The following ZPLD1 variants were observed in gnomAD, a reference collection of about 807,000 sequenced individuals.
ZPLD1 encodes zona pellucida-like domain-containing protein 1.
In ZPLD1, 34 loss-of-function variants were observed where a neutral mutation model predicts 47.2. That is an observed-to-expected ratio of 0.72 (90% CI 0.55 to 0.96). The LOEUF is 0.96. Ranked by LOEUF, ZPLD1 falls within the 40% of genes least tolerant of loss-of-function variation. ZPLD1 has a pLI of 0.00. For synonymous variants in ZPLD1, 176 were observed against 186.2 expected, an observed-to-expected ratio of 0.95 and a Z score of 0.45; for missense variants, 512 against 505.8, an observed-to-expected ratio of 1.01 and a Z score of -0.12.
At chr3:102,466,359 C>G (rs1410526584) in intron 8 of ZPLD1, among the ~76,000 whole-genome samples, 1 of 152,136 alleles carries the variant, frequency 6.6e-6, no homozygotes. Flanking sequence ...AAATCCAACT[C>G]TTTCAAACTT....
intron 7 of ZPLD1, among the ~76,000 whole-genome samples, chr3:102,410,750 G>T (rs1706739919): frequency 6.6e-6 from 1 of 151,742 alleles, no homozygotes; most frequent in South Asian, 2.1e-4. Flanking sequence ...CAAGTGCATA[G>T]GAAACCTGCT....
intron 8 of ZPLD1, among the ~76,000 whole-genome samples, chr3:102,468,443 A>G (rs1002501203): frequency 3.3e-5 from 5 of 152,178 alleles, no homozygotes; most frequent in African/African-American, 1.2e-4. Context: ...GAAATACTAT[A>G]CAGCTGTGGA....
chr3:102,467,509 G>A (rs953214417), intron 8 of ZPLD1, among the ~76,000 whole-genome samples: 22 of 152,044 alleles, frequency 1.4e-4, no homozygotes, highest in African/African-American at 5.3e-4. Context: ...ACAGTAAACT[G>A]AGAAATAGAT....
upstream of ZPLD1, among the ~76,000 whole-genome samples, chr3:102,433,550 C>T (rs571618060): frequency 3.8e-4 from 58 of 152,162 alleles, no homozygotes; most frequent in Non-Finnish European, 7.4e-4. Flanking sequence ...TGTCTTGAGA[C>T]GGAGTCTCGC....
chr3:102,409,176 G>T (rs943213144), intron 7 of ZPLD1, among the ~76,000 whole-genome samples: 1 of 151,820 alleles, frequency 6.6e-6, no homozygotes, highest in African/African-American at 2.4e-5. Flanking sequence ...ATGGCAGAAG[G>T]ACAATCACAT....
In ZPLD1 at chr3:102,477,032, T is replaced by C. The variant is rs1440429518; in HGVS notation, c.1063T>C (p.Ser355Pro). The C allele has an allele frequency of 6.2e-7, 1 of 1,613,660 alleles. No homozygotes were observed. The highest frequency in any genetic ancestry group is 8.5e-7 in the Non-Finnish European group (1 of 1,179,688). ...TRSDETPTNN[S>P]QLGSPSMPPF... Reference sequence around the variant, plus strand: ...CTCAGATGAGACTCCAACCAACAATTCGCAACTTGGTAAGATAATTAACAT... The same window carrying C: ...CTCAGATGAGACTCCAACCAACAATCCGCAACTTGGTAAGATAATTAACAT... The change falls in exon 11 of 12, where the codon TCG becomes CCG. Residue 355 changes from serine (S) to proline (P), a missense_variant. Ser to Pro is a moderately conservative substitution (Grantham distance 74). Transcript: ENST00000466937.
At chr3:102,393,981 G>A (rs779184217) in intron 7 of ZPLD1, among the ~76,000 whole-genome samples, 2 of 152,024 alleles carry the variant, frequency 1.3e-5, no homozygotes, top group Non-Finnish European at 2.9e-5. Context: ...TTCAGTGCAA[G>A]GTAAAATTGA....
chr3:102,399,481 G>A (rs188688688), intron 7 of ZPLD1, among the ~76,000 whole-genome samples: 6 of 152,002 alleles, frequency 3.9e-5, no homozygotes, highest in South Asian at 2.1e-4. Context: ...CAAGATCATC[G>A]TATGTATGAT....
chr3:102,452,249 A>C (rs1707349293), intron 3 of ZPLD1, among the ~76,000 whole-genome samples: 1 of 132,458 alleles, frequency 7.5e-6, no homozygotes, highest in African/African-American at 2.9e-5. Context: ...TTCCATGTTT[A>C]GGTCATTTTT....
intron 7 of ZPLD1, among the ~76,000 whole-genome samples, chr3:102,411,742 AC>A (rs1706749630): frequency 6.6e-6 from 1 of 151,822 alleles, no homozygotes; most frequent in Non-Finnish European, 1.5e-5. Context: ...ACAAATAAAA[AC>A]TAAAAATAAA....
intron 10 of ZPLD1, 42 bp from the exon 11 acceptor site, chr3:102,476,970 G>A: frequency 6.3e-7 from 1 of 1,599,238 alleles, no homozygotes. Context: ...TAAATATTTG[G>A]AGAGATGATG....
chr3:102,470,738 A>ACACACACACACG (rs1203013467), intron 10 of ZPLD1, among the ~76,000 whole-genome samples: 1 of 151,744 alleles, frequency 6.6e-6, no homozygotes, highest in African/African-American at 2.4e-5. Flanking sequence ...ACACACACAC[A>ACACACACACACG]CACACACACG....
intron 8 of ZPLD1, among the ~76,000 whole-genome samples, chr3:102,428,618 A>G (rs139332422): frequency 3.9e-4 from 59 of 151,904 alleles, no homozygotes; most frequent in African/African-American, 1.4e-3. Context: ...TCATATGTTT[A>G]CAGGAGTTTA....
chr3:102,479,161 A>G lies in ZPLD1; in HGVS notation c.*1543A>G, dbSNP rs1016395456. 3.3e-5 allele frequency: 5 copies of G among 152,182 alleles called. No homozygotes were observed. Among genetic ancestry groups the G allele is most frequent in the Non-Finnish European group, 7.4e-5 (5 of 68,022 alleles). The allele number at this position is 152,182 out of a possible 1,614,324, so 9.4% of individuals were successfully genotyped here. On this transcript the variant is annotated 3_prime_UTR_variant, in exon 12 of 12. Transcript: ENST00000466937. Reference sequence around the variant, plus strand: ...AGGTATAGTTGCCAAGTAAAGTGGGATCTGGAAAGTCTCTGGATAATTTCT... The same window carrying G: ...AGGTATAGTTGCCAAGTAAAGTGGGGTCTGGAAAGTCTCTGGATAATTTCT...
chr3:102,417,598 C>G (rs1706824137), intron 7 of ZPLD1, among the ~76,000 whole-genome samples: 1 of 151,916 alleles, frequency 6.6e-6, no homozygotes, highest in Non-Finnish European at 1.5e-5. Context: ...TTGTCAGCCT[C>G]TTAGTTATTA....
chr3:102,406,550 A>G (rs1456178595), intron 7 of ZPLD1, among the ~76,000 whole-genome samples: 2 of 151,958 alleles, frequency 1.3e-5, no homozygotes, highest in African/African-American at 4.8e-5. Context: ...TTTAGGATGG[A>G]CACTTCTCTA....
At chr3:102,464,145 G>C (rs762799925) in intron 7 of ZPLD1, 26 bp from the exon 8 acceptor site, 4 of 1,547,052 alleles carry the variant, frequency 2.6e-6, no homozygotes, top group Non-Finnish European at 3.6e-6. Context: ...TCTGACTCTA[G>C]ATTATGTTTG....
At chr3:102,434,803 G>A (rs1397387398), upstream of ZPLD1, among the ~76,000 whole-genome samples, 2 of 152,170 alleles carry the variant, frequency 1.3e-5, no homozygotes, top group African/African-American at 4.8e-5. Context: ...CTTCTGCTCA[G>A]ATTCTCTGTC....
intron 1 of ZPLD1, among the ~76,000 whole-genome samples, chr3:102,435,728 C>T (rs1328323552): frequency 6.6e-5 from 10 of 151,346 alleles, no homozygotes; most frequent in South Asian, 2.1e-4. Context: ...CTGTAAGCTC[C>T]GCCTCCTGGG....
Sources: gnomAD v4.1 joint callset for allele counts (sites outside exome capture counted in the v4.1 genomes callset) on GRCh38, gnomAD v4.1.1 for gene constraint, MANE v1.5 for transcripts, NCBI Gene and HGNC (gene_info 2026-07-23, HGNC 2026-07-21) for gene names.